The following CLECL1 variants were observed in gnomAD, a reference collection of about 807,000 sequenced individuals.
CLECL1 encodes the protein C-type lectin-like domain family 1.
rs1419023912 is a variant in CLECL1, at chr12:9,716,558, T to C, written n.371A>G. On this transcript the variant is annotated non_coding_transcript_exon_variant, in exon 3 of 3. Transcript: ENST00000540988. ...AATTTCCCAATAACCTGGAAATTGATTGTCTACTTCAGCCATCTCCTGGCG... is the reference window on the plus strand; with the variant it reads ...AATTTCCCAATAACCTGGAAATTGACTGTCTACTTCAGCCATCTCCTGGCG... 3.0e-5 allele frequency: 7 copies of C among 232,090 alleles called. No individual in the cohort carries two copies. In the South Asian group the frequency reaches 3.4e-4, roughly 11 times the overall value. The allele number at this position is 232,090 out of a possible 1,614,324, so 14.4% of individuals were successfully genotyped here.
At chr12:9,721,790 T>C (rs910792477), downstream of CLECL1, among the ~76,000 whole-genome samples, 1 of 152,236 alleles carries the variant, frequency 6.6e-6, no homozygotes, top group Non-Finnish European at 1.5e-5. Context: ...CAATTCCTAA[T>C]TCCATCCTTG....
intron 1 of CLECL1, among the ~76,000 whole-genome samples, chr12:9,730,487 A>G (rs1449204906): frequency 1.3e-5 from 2 of 152,208 alleles, no homozygotes; most frequent in African/African-American, 4.8e-5. Flanking sequence ...TATTTGGTAG[A>G]TTATTATTGA....
At chr12:9,725,312 A>G (rs1786157741) in intron 3 of CLECL1, among the ~76,000 whole-genome samples, 1 of 152,180 alleles carries the variant, frequency 6.6e-6, no homozygotes, top group Non-Finnish European at 1.5e-5. Flanking sequence ...GGTCTTGCTT[A>G]CAAATTAAGT....
chr12:9,710,462 GA>G, the CLECL1 span, among the ~76,000 whole-genome samples: 1 of 152,136 alleles, frequency 6.6e-6, no homozygotes, highest in Non-Finnish European at 1.5e-5. Flanking sequence ...GGAGTGCTAG[GA>G]AGGGAAGAAC....
intron 1 of CLECL1, among the ~76,000 whole-genome samples, chr12:9,730,006 C>T (rs1866427615): frequency 3.3e-5 from 5 of 152,144 alleles, no homozygotes; most frequent in Admixed American, 3.3e-4. Context: ...TGACAACACC[C>T]ATTTATTTGA....
downstream of CLECL1, among the ~76,000 whole-genome samples, chr12:9,720,127 A>G (rs367643275): frequency 4.6e-5 from 7 of 152,050 alleles, no homozygotes; most frequent in African/African-American, 1.7e-4. Context: ...TACCCTGGAT[A>G]TAGTCGTTGG....
downstream of CLECL1, among the ~76,000 whole-genome samples, chr12:9,713,504 G>A (rs1249482825): frequency 6.6e-6 from 1 of 152,234 alleles, no homozygotes; most frequent in African/African-American, 2.4e-5. Context: ...TGGGCTGCCT[G>A]TCTTTGGTTT....
downstream of CLECL1, among the ~76,000 whole-genome samples, chr12:9,718,023 A>G (rs1323279897): frequency 6.6e-6 from 1 of 152,088 alleles, no homozygotes; most frequent in Non-Finnish European, 1.5e-5. Flanking sequence ...TTCAACTCAG[A>G]ATACGTTTTA....
At chr12:9,703,733 C>T in the CLECL1 span, among the ~76,000 whole-genome samples, 1,402 of 136,498 alleles carry the variant, frequency 0.01, 15 homozygotes, top group African/African-American at 0.032. Context: ...CACTTGCCCG[C>T]ATATATATAT....
chr12:9,714,532 T>C (rs914679314), downstream of CLECL1, among the ~76,000 whole-genome samples: 4 of 152,258 alleles, frequency 2.6e-5, no homozygotes, highest in Admixed American at 2.6e-4. Flanking sequence ...TCTTTCTGTG[T>C]AATTGGAACT....
At chr12:9,718,813 C>T (rs1249107820), downstream of CLECL1, 4 of 690,236 alleles carry the variant, frequency 5.8e-6, no homozygotes, top group East Asian at 8.2e-5. Context: ...GAAACCAAAC[C>T]TGCCAACAAC....
chr12:9,724,567 TTTA>T (rs1448134679), intron 3 of CLECL1, among the ~76,000 whole-genome samples: 7 of 152,184 alleles, frequency 4.6e-5, no homozygotes, highest in Middle Eastern at 3.4e-3. Flanking sequence ...AGTAAAACAT[TTTA>T]TATAAAAACC....
exon 4 of CLECL1, chr12:9,722,753 T>A (rs1866329925): frequency 6.2e-7 from 1 of 1,613,974 alleles, no homozygotes; most frequent in Non-Finnish European, 8.5e-7. Flanking sequence ...ACATTTTCCC[T>A]TATGCACCTT....
upstream of CLECL1, chr12:9,733,071 C>T (rs1866470928): frequency 1.9e-6 from 3 of 1,613,582 alleles, no homozygotes; most frequent in Non-Finnish European, 2.5e-6. Flanking sequence ...AAATGATGTC[C>T]CACTGAAGGG....
At chr12:9,710,659 C>T in the CLECL1 span, among the ~76,000 whole-genome samples, 1 of 152,162 alleles carries the variant, frequency 6.6e-6, no homozygotes, top group Admixed American at 6.5e-5. Flanking sequence ...AGCAACTGGA[C>T]ATCAAGAGGA....
intron 3 of CLECL1, among the ~76,000 whole-genome samples, chr12:9,724,396 T>C (rs1444407702): frequency 2.6e-5 from 4 of 152,072 alleles, no homozygotes; most frequent in East Asian, 1.9e-4. Flanking sequence ...ATAAGGATGA[T>C]GTGGAAGTTA....
At chr12:9,733,817 A>C (rs1369172235), upstream of CLECL1, among the ~76,000 whole-genome samples, 1 of 152,236 alleles carries the variant, frequency 6.6e-6, no homozygotes, top group East Asian at 1.9e-4. Context: ...ATTCCACTAA[A>C]ATTGAATTAA....
intron 1 of CLECL1, among the ~76,000 whole-genome samples, chr12:9,731,538 ATCTAATCTATCCAACAGC>A: frequency 6.6e-6 from 1 of 152,318 alleles, no homozygotes; most frequent in African/African-American, 2.4e-5. Flanking sequence ...GACAACAAAA[ATCTAATCTATCCAACAGC>A]TCTTTCGCTT....
chr12:9,733,341 A>G, upstream of CLECL1: 1 of 973,346 alleles, frequency 1.0e-6, no homozygotes, highest in Non-Finnish European at 1.5e-6. Flanking sequence ...ACCACAGAAG[A>G]TATCTCACCA....
Sources: allele counts gnomAD v4.1 joint callset (sites outside exome capture counted in the v4.1 genomes callset), GRCh38; gene constraint gnomAD v4.1.1; transcripts MANE v1.5; gene names NCBI Gene and HGNC (gene_info 2026-07-23, HGNC 2026-07-21).